The following MAPK11 variants were observed in gnomAD, a reference collection of about 807,000 sequenced individuals.
MAPK11 encodes MAP kinase 11.
In MAPK11, 44 loss-of-function variants were observed where a neutral mutation model predicts 52.2. The observed-to-expected ratio is 0.84, with a 90% CI of 0.66 to 1.08. MAPK11 has a LOEUF of 1.08. Among genes scored for constraint, MAPK11 ranks in the 50% least tolerant of loss-of-function variants. The pLI is 0.00. For synonymous variants in MAPK11, 233 were observed against 206.3 expected (o/e 1.13, Z -1.11); for missense variants, 436 against 494.7 (o/e 0.88, Z 1.13).
intron 1 of MAPK11, among the ~76,000 whole-genome samples, chr22:50,269,209 C>G (rs1038477353): frequency 1.3e-5 from 2 of 152,186 alleles, no homozygotes; most frequent in Non-Finnish European, 2.9e-5. Context: ...GGCATGATGG[C>G]TAGAATGACC....
rs751465056 is a variant in MAPK11, at chr22:50,267,825, C to T, written c.241G>A (p.Glu81Lys). The change falls in exon 2 of 12, where the codon GAG (glutamate) becomes AAG (lysine). Residue 81 changes from glutamate (E) to lysine (K), a missense_variant. Coordinates refer to ENST00000330651, the MANE Select transcript of MAPK11 (RefSeq NM_002751.7). ...ELRLLKHLKHENVIGLLDVFT... is the reference protein window; with the variant it reads ...ELRLLKHLKHKNVIGLLDVFT... ...ACGGCCCTCCCCCGGCTCACGTTCT[C>T]GTGCTTCAGGTGCTTGAGCAGCCGC... 1.9e-6 allele frequency: 3 copies of T among 1,553,776 alleles called. No homozygotes were observed. Among genetic ancestry groups the T allele is most frequent in the East Asian group, 2.5e-5 (1 of 39,362 alleles).
Position 50,267,297 on chromosome 22 carries a change from G to A in MAPK11, c.418-11C>T. On this transcript the variant is annotated splice_polypyrimidine_tract_variant and intron_variant, in intron 4 of 11. Coordinates refer to ENST00000330651, the MANE Select transcript of MAPK11 (RefSeq NM_002751.7). ...GGCCGAGTGGATGTACTGCGGGAGG[G>A]GGATTGTGGTGAGCGCCGGGCCCGG... The A allele has an allele frequency of 6.3e-7, 1 of 1,599,900 alleles. No individual in the cohort carries two copies. Among genetic ancestry groups the A allele is most frequent in the Non-Finnish European group, 8.5e-7 (1 of 1,174,960 alleles).
At position 50,265,573 on chromosome 22, in the gene MAPK11, A is replaced by G. The variant is rs1248104439; in HGVS notation, c.841+9T>C. 4 of 1,612,258 alleles carry G rather than the reference A, an allele frequency of 2.5e-6. No individual in the cohort carries two copies. The highest frequency in any genetic ancestry group is 3.4e-6 in the Non-Finnish European group (4 of 1,179,514). ...TATGGAGCCCAGTCTAGCCCAGGGC[A>G]GTCCTCACCCAGGGGGTTGGCTCCA... is the stretch of plus-strand genomic sequence containing the variant. On this transcript the variant is annotated intron_variant, in intron 10 of 11. Transcript: ENST00000330651.
chr22:50,268,016 G>A (rs1452084657), intron 1 of MAPK11, 67 bp from the exon 2 acceptor site: 4 of 1,433,082 alleles, frequency 2.8e-6, no homozygotes, highest in Non-Finnish European at 3.6e-6. Context: ...CGTGGACCCG[G>A]GCGGCGTCCC....
At chr22:50,265,109 C>G in intron 11 of MAPK11, 82 bp from the exon 12 acceptor site, 2 of 1,320,200 alleles carry the variant, frequency 1.5e-6, no homozygotes, top group Non-Finnish European at 2.1e-6. Context: ...GCCACCCAGC[C>G]CAGGCCCACC....
chr22:50,266,165 C>T lies in MAPK11; in HGVS notation c.762+61G>A. On this transcript the variant is annotated intron_variant, in intron 9 of 11. Coordinates refer to ENST00000330651, the MANE Select transcript of MAPK11 (RefSeq NM_002751.7). Reference sequence around the variant, plus strand: ...CCCGCATTTCCACACCACCCTCTCCCCCAGAGAGCCTGGGGGCTCAGCCAG... The same window carrying T: ...CCCGCATTTCCACACCACCCTCTCCTCCAGAGAGCCTGGGGGCTCAGCCAG... 2.2e-6 allele frequency: 3 copies of T among 1,378,868 alleles called. No homozygotes were observed. The South Asian group carries it at 3.9e-5, about 18-fold the overall frequency. The allele number at this position is 1,378,868 out of a possible 1,614,324, so 85.4% of individuals were successfully genotyped here. A position where few individuals can be genotyped will look rare whatever the true frequency, so the allele number is the denominator to read the frequency against.
intron 2 of MAPK11, 26 bp from the exon 3 acceptor site, chr22:50,267,653 G>T (rs1426085870): frequency 3.9e-6 from 6 of 1,519,976 alleles, no homozygotes; most frequent in Non-Finnish European, 3.5e-6. Flanking sequence ...CGTCAGGGCC[G>T]GGCGACGAAC....
chr22:50,265,117 A>ACCTGCTTGTCTGGCACCTG, intron 11 of MAPK11, 90 bp from the exon 12 acceptor site: 1 of 1,293,316 alleles, frequency 7.7e-7, no homozygotes, highest in Non-Finnish European at 1.1e-6. Flanking sequence ...GCCCAGGCCC[A>ACCTGCTTGTCTGGCACCTG]CCACCCTGTG....
intron 1 of MAPK11, among the ~76,000 whole-genome samples, chr22:50,269,767 G>A (rs1279929202): frequency 2.0e-5 from 3 of 152,186 alleles, no homozygotes; most frequent in Admixed American, 6.5e-5. Flanking sequence ...CAGCCCGGGC[G>A]GGGGAGGGTC....
chr22:50,267,088 T>G (rs200139685), intron 6 of MAPK11, 39 bp downstream of exon 6: 1 of 1,611,054 alleles, frequency 6.2e-7, no homozygotes, highest in Non-Finnish European at 8.5e-7. Flanking sequence ...CCGCACGGGC[T>G]CCGCCGCCGC....
intron 11 of MAPK11, 87 bp from the exon 12 acceptor site, chr22:50,265,114 C>T: frequency 1.5e-6 from 2 of 1,302,174 alleles, no homozygotes; most frequent in African/African-American, 1.5e-5. Context: ...CCAGCCCAGG[C>T]CCACCACCCT....
Position 50,266,974 on chromosome 22 carries a change from T to TG in MAPK11, c.569dup (p.Pro191ThrfsTer2), listed in dbSNP as rs1193046899. On this transcript the variant is annotated frameshift_variant, in exon 7 of 12. Coordinates refer to ENST00000330651, the MANE Select transcript of MAPK11 (RefSeq NM_002751.7). LOFTEE classifies it high-confidence loss of function. The stretch of plus-strand genomic sequence containing the variant: ...GCATCCAGTTGAGCATGATCTCAGG[T>TG]GCCCGGTACCAGCGCGTGGCCACAT... The TG allele has an allele frequency of 6.2e-7, 1 of 1,612,092 alleles. No individual in the cohort carries two copies. The highest frequency in any genetic ancestry group is 2.2e-5 in the East Asian group (1 of 44,878).
Position 50,265,036 on chromosome 22 carries a change from T to TGAGG in MAPK11, c.1016-10_1016-9insCCTC. 1 of 1,610,772 alleles carries TGAGG rather than the reference T, an allele frequency of 6.2e-7. No homozygotes were observed. The highest frequency in any genetic ancestry group is 8.5e-7 in the Non-Finnish European group (1 of 1,178,040). On this transcript the variant is annotated splice_polypyrimidine_tract_variant and intron_variant, in intron 11 of 11. Transcript: ENST00000330651. ...TTCCTGGTAAGTGAGCTCTAGGAGG[T>TGAGG]GAAGGGAAAGGGTGAGCTTGTGCCT...
At chr22:50,269,944 G>T (rs1047171488) in intron 1 of MAPK11, among the ~76,000 whole-genome samples, 1 of 151,734 alleles carries the variant, frequency 6.6e-6, no homozygotes, top group Non-Finnish European at 1.5e-5. Flanking sequence ...GGAGCAGTCC[G>T]AATCGGGAGA....
rs753098424 is a variant in MAPK11 at position 50,265,606 on chromosome 22, T to C, written c.817A>G (p.Ile273Val). 1 of 1,610,984 alleles carries C rather than the reference T, an allele frequency of 6.2e-7. No homozygotes were observed. Among genetic ancestry groups the C allele is most frequent in the South Asian group, 1.1e-5 (1 of 90,854 alleles). ...PPMPQKDLSS[I>V]FRGANPLAID... Reference sequence around the variant, plus strand: ...CCCAGGGGGTTGGCTCCACGGAAGATGCTGCTCAGGTCCTTCTGGGGCATG... The same window carrying C: ...CCCAGGGGGTTGGCTCCACGGAAGACGCTGCTCAGGTCCTTCTGGGGCATG... The change falls in exon 10 of 12, where the codon ATC becomes GTC. Residue 273 changes from isoleucine to valine, a missense_variant. By Grantham distance (29) the Ile-to-Val change is conservative (BLOSUM62 3). Coordinates refer to ENST00000330651, the MANE Select transcript of MAPK11 (RefSeq NM_002751.7).
At chr22:50,265,110 C>G in intron 11 of MAPK11, 83 bp from the exon 12 acceptor site, 1 of 1,321,858 alleles carries the variant, frequency 7.6e-7, no homozygotes, top group Non-Finnish European at 1.1e-6. Context: ...CCACCCAGCC[C>G]AGGCCCACCA....
At chr22:50,267,973 G>A (rs1047631179) in intron 1 of MAPK11, 24 bp from the exon 2 acceptor site, 2 of 1,527,370 alleles carry the variant, frequency 1.3e-6, no homozygotes, top group African/African-American at 2.9e-5. Flanking sequence ...GAGTGAGGCG[G>A]CGCCGGGAGG....
chr22:50,265,352 C>G lies in MAPK11; in HGVS notation c.984G>C (p.Glu328Asp). 1 of 1,613,356 alleles carries G rather than the reference C, an allele frequency of 6.2e-7. No homozygotes were observed. Among genetic ancestry groups the G allele is most frequent in the Non-Finnish European group, 8.5e-7 (1 of 1,179,998 alleles). ...ACTCCTCCAGCGTGCGCTCCTTGGC[C>G]TCAACGCTCTCATCATATGGCTCGG... Reference protein sequence around the residue: ...PEAEPYDESVEAKERTLEEWK... With the variant: ...PEAEPYDESVDAKERTLEEWK... Residue 328 changes from glutamate (E) to aspartate (D), a missense_variant, in exon 11 of 12, where the codon GAG (glutamate) becomes GAC (aspartate). Coordinates refer to ENST00000330651, the MANE Select transcript of MAPK11 (RefSeq NM_002751.7).
chr22:50,267,782 CGCA>C, intron 2 of MAPK11, 35 bp downstream of exon 2: 12 of 1,487,608 alleles, frequency 8.1e-6, no homozygotes, highest in Non-Finnish European at 1.1e-5. Flanking sequence ...GCCCCGCCCC[CGCA>C]CGCGCCCTCC....
Sources: allele counts gnomAD v4.1 joint callset (sites outside exome capture counted in the v4.1 genomes callset), GRCh38; gene constraint gnomAD v4.1.1; transcripts MANE v1.5; gene names NCBI Gene and HGNC (gene_info 2026-07-23, HGNC 2026-07-21).